NDFIP1: variants seen among roughly 807,000 people sequenced by gnomAD.
NDFIP1 encodes NEDD4 family-interacting protein 1.
Under a neutral mutation model 28.8 loss-of-function variants are expected in NDFIP1, and 7 were observed. That is an observed-to-expected ratio of 0.24 (90% CI 0.14 to 0.46). The LOEUF (loss-of-function observed/expected upper bound fraction) is 0.46. NDFIP1 is among the 20% of genes least tolerant of loss of function. The pLI, the probability that NDFIP1 is intolerant of heterozygous loss-of-function variation, is 0.99. For synonymous variants in NDFIP1, 92 were observed against 101.0 expected (o/e 0.91, Z 0.53); for missense variants, 194 against 269.1 (o/e 0.72, Z 1.95).
chr5:142,108,830 G>A lies in NDFIP1; in HGVS notation c.-145G>A, dbSNP rs1756979228. 1 of 598,356 alleles carries A rather than the reference G, an allele frequency of 1.7e-6. No individual in the cohort carries two copies. Among genetic ancestry groups the A allele is most frequent in the African/African-American group, 2.0e-5 (1 of 51,186 alleles). 37.1% of individuals were successfully genotyped at this position (598,356 alleles called of 1,614,324 possible). ...GGCGGCGGTGCTTACAGCCTGAGAA[G>A]AGCGTCTCGCCCGGGAGCGGCGGCG... On this transcript the variant is annotated 5_prime_UTR_variant, in exon 1 of 8. Transcript: ENST00000253814.
chr5:142,127,127 T>TCC (rs1757177953), intron 1 of NDFIP1, among the ~76,000 whole-genome samples: 4 of 152,132 alleles, frequency 2.6e-5, no homozygotes, highest in Admixed American at 2.0e-4. Flanking sequence ...GTGATTCTCG[T>TCC]GCCTAAGCCT....
intron 1 of NDFIP1, among the ~76,000 whole-genome samples, chr5:142,123,240 G>C (rs1020079373): frequency 1.3e-5 from 2 of 152,092 alleles, no homozygotes; most frequent in Admixed American, 6.6e-5. Flanking sequence ...TGGTATTACA[G>C]GCATGAGCCA....
Position 142,131,883 on chromosome 5 carries a change from G to T in NDFIP1, c.139G>T (p.Ala47Ser), listed in dbSNP as rs760952836. ...DAPPPYSSIS[A>S]ESAAYFDYKD... ...TCCTCCACCTTACAGCAGCATTTCT[G>T]CAGAGAGCGCAGGTAGGTAACAGGG... Residue 47 changes from alanine to serine, a missense_variant, in exon 2 of 8, where the codon GCA (alanine) becomes TCA (serine). Ala to Ser is a moderately conservative substitution (Grantham distance 99, BLOSUM62 1). Coordinates refer to ENST00000253814, the MANE Select transcript of NDFIP1 (RefSeq NM_030571.4). The T allele has an allele frequency of 2.7e-5, 43 of 1,600,872 alleles. No individual in the cohort carries two copies. Among genetic ancestry groups the T allele is most frequent in the Admixed American group, 2.7e-4 (15 of 56,388 alleles).
At chr5:142,118,338 C>A (rs1200689039) in intron 1 of NDFIP1, among the ~76,000 whole-genome samples, 7 of 152,090 alleles carry the variant, frequency 4.6e-5, no homozygotes, top group Non-Finnish European at 8.8e-5. Context: ...CTCAAACTTT[C>A]CTTGTTTTTG....
intron 1 of NDFIP1, among the ~76,000 whole-genome samples, chr5:142,111,252 A>G (rs1757011863): frequency 6.6e-6 from 1 of 151,052 alleles, no homozygotes. Flanking sequence ...ATGCTAGATA[A>G]ATAATGAAAT....
rs1596794008 is a variant in NDFIP1, at chr5:142,141,952, AGC to A, written c.562+1324_562+1325del. 2.0e-5 allele frequency among the ~76,000 whole-genome samples: 3 copies of A among 152,132 alleles called. No homozygotes were observed. In the East Asian group the frequency reaches 5.8e-4, roughly 29 times the overall value. ...ATTTTAAGACCAGCCTGGGCAACAT[AGC>A]AAGACCTCGTCTCTACAAAAAAATT... On this transcript the variant is annotated intron_variant, in intron 6 of 7. Transcript: ENST00000253814.
chr5:142,123,567 T>G (rs968526810), intron 1 of NDFIP1, among the ~76,000 whole-genome samples: 1 of 152,244 alleles, frequency 6.6e-6, no homozygotes, highest in Non-Finnish European at 1.5e-5. Flanking sequence ...CTTCCATGTT[T>G]CTATTTTAGA....
In NDFIP1 at chr5:142,108,808, G is replaced by T. The variant is rs1756978745; in HGVS notation, c.-167G>T. ...GCCGCGTCGGAGCCTCGGCGGCGGC[G>T]GCGGTGCTTACAGCCTGAGAAGAGC... On this transcript the variant is annotated 5_prime_UTR_variant, in exon 1 of 8. Coordinates refer to ENST00000253814, the MANE Select transcript of NDFIP1 (RefSeq NM_030571.4). 4.1e-6 allele frequency: 2 copies of T among 488,230 alleles called. No individual in the cohort carries two copies. Among genetic ancestry groups the T allele is most frequent in the African/African-American group, 2.0e-5 (1 of 49,288 alleles). The allele number at this position is 488,230 out of a possible 1,614,324, so 30.2% of individuals were successfully genotyped here.
At chr5:142,138,095 G>T in intron 5 of NDFIP1, 2 of 382,860 alleles carry the variant, frequency 5.2e-6, no homozygotes, top group Non-Finnish European at 9.4e-6. Context: ...TTCACCATCT[G>T]CTTTGTTTGT....
At chr5:142,141,675 A>T (rs1360998112) in intron 6 of NDFIP1, among the ~76,000 whole-genome samples, 1 of 152,132 alleles carries the variant, frequency 6.6e-6, no homozygotes, top group Non-Finnish European at 1.5e-5. Context: ...TCTTGTGGCT[A>T]TTAAAGATGG....
At chr5:142,145,045 G>A (rs997196412) in intron 7 of NDFIP1, among the ~76,000 whole-genome samples, 3 of 152,184 alleles carry the variant, frequency 2.0e-5, no homozygotes, top group African/African-American at 7.2e-5. Context: ...GAACCCTTCA[G>A]GCCTAATCAC....
chr5:142,143,990 C>CTGT (rs1439915717), intron 6 of NDFIP1: 21 of 97,678 alleles, frequency 2.1e-4, no homozygotes, highest in African/African-American at 8.3e-4. Flanking sequence ...AAGACCCTGT[C>CTGT]TGTTAATAAT....
At chr5:142,115,574 T>C (rs13188700) in intron 1 of NDFIP1, among the ~76,000 whole-genome samples, 101,061 of 152,038 alleles carry the variant, frequency 0.66, 33,813 homozygotes, top group African/African-American at 0.74. Flanking sequence ...TGTGAGCCAC[T>C]GCGCCCGGCC....
intron 3 of NDFIP1, among the ~76,000 whole-genome samples, chr5:142,135,176 C>T (rs1393793884): frequency 6.6e-6 from 1 of 151,676 alleles, no homozygotes; most frequent in Non-Finnish European, 1.5e-5. Context: ...AGACGGGTTT[C>T]ACCATGTTAG....
intron 1 of NDFIP1, among the ~76,000 whole-genome samples, chr5:142,122,885 C>T (rs1009039737): frequency 1.3e-5 from 2 of 151,914 alleles, no homozygotes; most frequent in Non-Finnish European, 2.9e-5. Flanking sequence ...AAAATATATC[C>T]TCCCGCTCTT....
chr5:142,130,033 G>A (rs1207720585), intron 1 of NDFIP1, among the ~76,000 whole-genome samples: 1 of 152,050 alleles, frequency 6.6e-6, no homozygotes, highest in East Asian at 1.9e-4. Flanking sequence ...CTTTGTAGCG[G>A]TATGGTTTAG....
At chr5:142,114,671 CAAG>C (rs1757048083) in intron 1 of NDFIP1, among the ~76,000 whole-genome samples, 1 of 152,096 alleles carries the variant, frequency 6.6e-6, no homozygotes, top group Non-Finnish European at 1.5e-5. Flanking sequence ...TATGATATTT[CAAG>C]AAGATATCAC....
Position 142,151,564 on chromosome 5 carries a change from T to A in NDFIP1, c.*3-167T>A, listed in dbSNP as rs1442001078. ...GCCTTGATAACTTTAAGAACTGAAA[T>A]TTTAATGTTTATTGAATACCGTGAT... On this transcript the variant is annotated intron_variant, in intron 7 of 7. Coordinates refer to ENST00000253814, the MANE Select transcript of NDFIP1 (RefSeq NM_030571.4). 2.0e-5 allele frequency among the ~76,000 whole-genome samples: 3 copies of A among 152,226 alleles called. No homozygotes were observed. In the East Asian group the frequency reaches 5.8e-4, roughly 29 times the overall value.
At chr5:142,109,280 C>T (rs576365040) in intron 1 of NDFIP1, among the ~76,000 whole-genome samples, 40 of 152,342 alleles carry the variant, frequency 2.6e-4, no homozygotes, top group African/African-American at 9.6e-4. Context: ...GGCCTCGTTT[C>T]CCGCATTTCC....
Sources: allele counts gnomAD v4.1 joint callset (sites outside exome capture counted in the v4.1 genomes callset), GRCh38; gene constraint gnomAD v4.1.1; transcripts MANE v1.5; gene names NCBI Gene and HGNC (gene_info 2026-07-23, HGNC 2026-07-21).